The following HDAC10 variants were observed in gnomAD, a reference collection of about 807,000 sequenced individuals.
The protein encoded by HDAC10 is polyamine deacetylase HDAC10.
HDAC10 carries 90 observed loss-of-function variants against 82.3 expected under a neutral mutation model. That is an observed-to-expected ratio of 1.09 (90% CI 0.92 to 1.30). HDAC10 has a LOEUF of 1.30. Among genes scored for constraint, HDAC10 ranks in the 50% most tolerant of loss-of-function variants. The pLI, the probability that HDAC10 is intolerant of heterozygous loss-of-function variation, is 0.00. For synonymous variants in HDAC10, 456 were observed against 391.7 expected, an observed-to-expected ratio of 1.16 and a Z score of -1.94; for missense variants, 934 against 876.3, an observed-to-expected ratio of 1.07 and a Z score of -0.83.
At chr22:50,247,857 C>T (rs1445238792) in intron 13 of HDAC10, 33 bp downstream of exon 13, 2 of 1,611,506 alleles carry the variant, frequency 1.2e-6, no homozygotes, top group East Asian at 2.2e-5. Context: ...GTAGATGCGG[C>T]CCCATCCTTC....
Position 50,250,973 on chromosome 22 carries a change from C to G in HDAC10, c.59+1G>C. The G allele has an allele frequency of 6.2e-7, 1 of 1,612,486 alleles. No individual in the cohort carries two copies. The highest frequency in any genetic ancestry group is 8.5e-7 in the Non-Finnish European group (1 of 1,179,658). ...CCCCACCTCGGCCAGGTCCCACTTA[C>G]TCGTCCCAGAGCAGCCGGGTGGCCG... On this transcript the variant is annotated splice_donor_variant, in intron 1 of 19. Coordinates refer to ENST00000216271, the MANE Select transcript of HDAC10 (RefSeq NM_032019.6). LOFTEE classifies it high-confidence loss of function.
chr22:50,247,061 G>T, intron 14 of HDAC10, 95 bp from the exon 15 acceptor site: 1 of 711,364 alleles, frequency 1.4e-6, no homozygotes, highest in Non-Finnish European at 2.3e-6. Context: ...GTGTCTCTGC[G>T]GCTACTGTCA....
Position 50,250,761 on chromosome 22 carries a change from C to A in HDAC10, c.194+10G>T. The stretch of plus-strand genomic sequence containing the variant: ...CCGCCCCCCATCGTGGGGCCTGCCC[C>A]CGTCCTGACCTGTGCACCAGGCCCA... On this transcript the variant is annotated intron_variant, in intron 2 of 19. Coordinates refer to ENST00000216271, the MANE Select transcript of HDAC10 (RefSeq NM_032019.6). 6.3e-7 allele frequency: 1 copy of A among 1,575,232 alleles called. No homozygotes were observed. The highest frequency in any genetic ancestry group is 2.3e-5 in the East Asian group (1 of 43,742).
chr22:50,251,202 G>A lies in HDAC10; in HGVS notation c.-170C>T, dbSNP rs2065083675. ...GCGCACAGAACCTAGGCAGGCTCCG[G>A]GATCCCAGGCGCGCAGAAGGCACGG... is the stretch of plus-strand genomic sequence containing the variant. On this transcript the variant is annotated 5_prime_UTR_variant, in exon 1 of 20. Coordinates refer to ENST00000216271, the MANE Select transcript of HDAC10 (RefSeq NM_032019.6). The A allele has an allele frequency of 4.8e-6, 3 of 623,132 alleles. No homozygotes were observed. Among genetic ancestry groups the A allele is most frequent in the East Asian group, 6.1e-5 (2 of 33,036 alleles). The allele number at this position is 623,132 out of a possible 1,614,324, so 38.6% of individuals were successfully genotyped here. A position where few individuals can be genotyped will look rare whatever the true frequency, so the allele number is the denominator to read the frequency against.
intron 14 of HDAC10, 99 bp from the exon 15 acceptor site, chr22:50,247,065 A>C: frequency 3.0e-6 from 2 of 666,154 alleles, no homozygotes; most frequent in Non-Finnish European, 5.1e-6. Flanking sequence ...CTCTGCGGCT[A>C]CTGTCAGCCA....
chr22:50,250,741 C>CCCCA (rs2065070632), intron 2 of HDAC10, 30 bp downstream of exon 2: 1 of 1,541,892 alleles, frequency 6.5e-7, no homozygotes, highest in South Asian at 1.2e-5. Flanking sequence ...CCGCCCCGCC[C>CCCCA]CCCATCGTGG....
intron 19 of HDAC10, 37 bp downstream of exon 19, chr22:50,245,638 C>A: frequency 1.2e-6 from 2 of 1,612,244 alleles, no homozygotes; most frequent in African/African-American, 1.3e-5. Flanking sequence ...CAGAGCCAGG[C>A]CCCAGGGCAG....
In HDAC10 at chr22:50,250,686, C is replaced by T. The variant is rs1001824376; in HGVS notation, c.194+85G>A. 3.5e-6 allele frequency: 5 copies of T among 1,419,114 alleles called. No individual in the cohort carries two copies. In the African/African-American group the frequency reaches 5.7e-5, roughly 16 times the overall value. 87.9% of individuals were successfully genotyped at this position (1,419,114 alleles called of 1,614,324 possible). A position where few individuals can be genotyped will look rare whatever the true frequency, so the allele number is the denominator to read the frequency against. On this transcript the variant is annotated intron_variant, in intron 2 of 19. Transcript: ENST00000216271. Reference sequence around the variant, plus strand: ...GGAGAGGCTCTGTATTCGAGGCTGGCAGGCTCGGGGTAGGCCCAGGTTCTT... The same window carrying T: ...GGAGAGGCTCTGTATTCGAGGCTGGTAGGCTCGGGGTAGGCCCAGGTTCTT...
In HDAC10 at chr22:50,248,178, A is replaced by G. The variant is rs139329825; in HGVS notation, c.1082-33T>C. ...CAGTTCGGAGTCATAGCCACTGCAC[A>G]GGAGCCCGAGGTGGGATCCTGCAGC... On this transcript the variant is annotated intron_variant, in intron 12 of 19. Coordinates refer to ENST00000216271, the MANE Select transcript of HDAC10 (RefSeq NM_032019.6). This position sits in a 1 kb window ranked among gnomAD's most constrained non-coding sequence, Gnocchi z 5.4. 1.7e-3 allele frequency: 2,677 copies of G among 1,598,148 alleles called. 48 individuals carry two copies. In the African/African-American group the frequency reaches 0.031, roughly 18 times the overall value.
chr22:50,249,102 C>T lies in HDAC10; in HGVS notation c.756+1G>A, dbSNP rs1266249804. On this transcript the variant is annotated splice_donor_variant, in intron 8 of 19. Transcript: ENST00000216271. LOFTEE classifies it high-confidence loss of function. The surrounding 1 kb of genome is among the most constrained non-coding windows in gnomAD (Gnocchi z 4.4). ...CCTGGGGGAGCCCTCCGTGCAGTCA[C>T]CTCAAAGGCCAGTGGGAGCAGCAGG... 3.8e-6 allele frequency: 6 copies of T among 1,597,664 alleles called. No individual in the cohort carries two copies. Among genetic ancestry groups the T allele is most frequent in the Non-Finnish European group, 4.3e-6 (5 of 1,172,596 alleles).
intron 16 of HDAC10, 54 bp downstream of exon 16, chr22:50,246,625 T>A: frequency 1.2e-5 from 18 of 1,459,816 alleles, no homozygotes; most frequent in Non-Finnish European, 1.7e-5. Flanking sequence ...CACACGTCCA[T>A]CACATGCCCG....
chr22:50,250,000 G>A lies in HDAC10; in HGVS notation c.390-36C>T, dbSNP rs1366350152. The A allele has an allele frequency of 1.2e-6, 2 of 1,609,676 alleles. No homozygotes were observed. The highest frequency in any genetic ancestry group is 4.5e-5 in the East Asian group (2 of 44,820). On this transcript the variant is annotated intron_variant, in intron 4 of 19. Coordinates refer to ENST00000216271, the MANE Select transcript of HDAC10 (RefSeq NM_032019.6). The surrounding 1 kb of genome is among the most constrained non-coding windows in gnomAD (Gnocchi z 4.4). The stretch of plus-strand genomic sequence containing the variant: ...AGAGTAGGATTTGGGTCACGTCAGG[G>A]TCGCCCTGGCCCCTCACAGGGCCAC...
At position 50,248,620 on chromosome 22, in the gene HDAC10, C is replaced by T. The variant is rs747326615; in HGVS notation, c.906+42G>A. 2.2e-5 allele frequency: 32 copies of T among 1,475,108 alleles called. No individual in the cohort carries two copies. Among genetic ancestry groups the T allele is most frequent in the Non-Finnish European group, 2.6e-5 (29 of 1,109,014 alleles). The allele number at this position is 1,475,108 out of a possible 1,614,324, so 91.4% of individuals were successfully genotyped here. ...GGCTCCCATGCTCCTGACCCCCAGG[C>T]CTCTGGCCCAGAGACCCTCCCTGTG... On this transcript the variant is annotated intron_variant, in intron 10 of 19. Transcript: ENST00000216271. This position sits in a 1 kb window ranked among gnomAD's most constrained non-coding sequence, Gnocchi z 5.4.
intron 3 of HDAC10, 23 bp from the exon 4 acceptor site, chr22:50,250,183 G>T (rs1347785925): frequency 6.3e-7 from 1 of 1,596,994 alleles, no homozygotes; most frequent in Non-Finnish European, 8.6e-7. Context: ...GGGCGCAGAT[G>T]AGCCCCCTGC....
intron 19 of HDAC10, 38 bp from the exon 20 acceptor site, chr22:50,245,568 C>A (rs201199223): frequency 2.0e-5 from 28 of 1,425,964 alleles, no homozygotes; most frequent in Non-Finnish European, 2.6e-5. Flanking sequence ...CAGTTGGCCT[C>A]CGGCGCTGGA....
chr22:50,247,856 G>A lies in HDAC10; in HGVS notation c.1337+34C>T, dbSNP rs1341748903. 12 of 1,612,616 alleles carry A rather than the reference G, an allele frequency of 7.4e-6. No homozygotes were observed. The East Asian group carries it at 1.8e-4, about 24-fold the overall frequency. ...ACACACAGGCACAGGTGTAGATGCGGCCCCATCCTTCTCCCCAGGCCAGCC... is the reference window on the plus strand; with the variant it reads ...ACACACAGGCACAGGTGTAGATGCGACCCCATCCTTCTCCCCAGGCCAGCC... On this transcript the variant is annotated intron_variant, in intron 13 of 19. Coordinates refer to ENST00000216271, the MANE Select transcript of HDAC10 (RefSeq NM_032019.6).
chr22:50,249,087 C>T lies in HDAC10; in HGVS notation c.756+16G>A. On this transcript the variant is annotated intron_variant, in intron 8 of 19. Transcript: ENST00000216271. The surrounding 1 kb of genome is among the most constrained non-coding windows in gnomAD (Gnocchi z 4.4). ...CTCCCACCCGGCTGCCCTGGGGGAG[C>T]CCTCCGTGCAGTCACCTCAAAGGCC... is the stretch of plus-strand genomic sequence containing the variant. 6.3e-7 allele frequency: 1 copy of T among 1,585,982 alleles called. No individual in the cohort carries two copies.
At chr22:50,246,635 G>A (rs746717969) in intron 16 of HDAC10, 44 bp downstream of exon 16, 14 of 1,534,260 alleles carry the variant, frequency 9.1e-6, no homozygotes, top group South Asian at 3.4e-5. Flanking sequence ...TCACATGCCC[G>A]TCCACATGCA....
In HDAC10 at chr22:50,250,991, G is replaced by A; in HGVS notation, c.42C>T (p.Thr14=). The change falls in exon 1 of 20, where the codon ACC becomes ACT. Residue 14 remains threonine, a synonymous_variant. Transcript: ENST00000216271. ...CCACTTACTCGTCCCAGAGCAGCCG[G>A]GTGGCCGTCATGTCCTCATGGTACA... is the stretch of plus-strand genomic sequence containing the variant. ...ALVYHEDMTA[T]RLLWDDPECE... is the part of the protein sequence containing the mutation. 1.2e-6 allele frequency: 2 copies of A among 1,612,562 alleles called. No individual in the cohort carries two copies.
Sources: allele counts gnomAD v4.1 joint callset, GRCh38; gene constraint gnomAD v4.1.1; non-coding constraint Gnocchi (gnomAD v3.1); transcripts MANE v1.5; gene names NCBI Gene and HGNC (gene_info 2026-07-23, HGNC 2026-07-21).